Variants in NPTN observed in about 807,000 individuals in gnomAD.
NPTN encodes the protein SDR-1.
In NPTN, 5 loss-of-function variants were observed where a neutral mutation model predicts 42.7. The observed-to-expected ratio is 0.12, with a 90% CI of 0.06 to 0.25. The LOEUF is 0.25. NPTN is among the 10% of genes least tolerant of loss of function. The pLI is 1.00. For synonymous variants in NPTN, 180 were observed against 201.9 expected, an observed-to-expected ratio of 0.89 and a Z score of 0.92; for missense variants, 307 against 525.4, an observed-to-expected ratio of 0.58 and a Z score of 4.06.
chr15:73,623,553 G>C (rs1898241439), intron 1 of NPTN, among the ~76,000 whole-genome samples: 1 of 152,144 alleles, frequency 6.6e-6, no homozygotes, highest in South Asian at 2.1e-4. Flanking sequence ...CAGGCATGGA[G>C]GTATGCGCCT....
At position 73,584,454 on chromosome 15, in the gene NPTN, A is replaced by C. The variant is rs572555153; in HGVS notation, c.706+3070T>G. Among the ~76,000 whole-genome samples, 4 of 152,252 alleles carry C rather than the reference A, an allele frequency of 2.6e-5. No homozygotes were observed. The South Asian group carries it at 8.3e-4, about 32-fold the overall frequency. ...GGAAGGAGTAAGGGGCAAAAGGTTG[A>C]AAAATTATAGGGGTAGAAAATTTCA... On this transcript the variant is annotated intron_variant, in intron 4 of 8. Transcript: ENST00000345330.
At chr15:73,608,411 C>T (rs1478014019) in intron 1 of NPTN, among the ~76,000 whole-genome samples, 2 of 152,112 alleles carry the variant, frequency 1.3e-5, no homozygotes, top group African/African-American at 4.8e-5. Flanking sequence ...TTGTCAGTTG[C>T]GGGGAGAGAT....
In NPTN at chr15:73,633,152, G is replaced by A. The variant is rs1898857069; in HGVS notation, c.64C>T (p.Leu22Phe). 4.6e-6 allele frequency: 7 copies of A among 1,506,236 alleles called. No individual in the cohort carries two copies. Among genetic ancestry groups the A allele is most frequent in the Non-Finnish European group, 5.3e-6 (6 of 1,134,504 alleles). The allele number at this position is 1,506,236 out of a possible 1,614,324, so 93.3% of individuals were successfully genotyped here. A position where few individuals can be genotyped will look rare whatever the true frequency, so the allele number is the denominator to read the frequency against. ...LSLLLVSGSL[L>F]PGPGAAQNAG... ...TTCTGAGCGGCGCCTGGCCCTGGGA[G>A]GAGGGAGCCAGAGACCAGCAACAGC... Residue 22 changes from leucine (L) to phenylalanine (F), a missense_variant, in exon 1 of 9, where the codon CTC becomes TTC. Coordinates refer to ENST00000345330, the MANE Select transcript of NPTN (RefSeq NM_012428.4).
At chr15:73,562,431 A>T (rs1416059293) in intron 7 of NPTN, among the ~76,000 whole-genome samples, 3 of 152,150 alleles carry the variant, frequency 2.0e-5, no homozygotes, top group Non-Finnish European at 2.9e-5. Context: ...TTCCCTTCGA[A>T]TCCGGAACTA....
At chr15:73,610,905 C>A (rs1021780361) in intron 1 of NPTN, among the ~76,000 whole-genome samples, 1 of 152,104 alleles carries the variant, frequency 6.6e-6, no homozygotes, top group African/African-American at 2.4e-5. Context: ...CCCCTCTAGG[C>A]CCCAGTGGTT....
intron 4 of NPTN, among the ~76,000 whole-genome samples, chr15:73,585,987 C>T (rs1896301259): frequency 6.6e-6 from 1 of 152,208 alleles, no homozygotes; most frequent in South Asian, 2.1e-4. Context: ...TCGTAAGCAG[C>T]CAAACAAATG....
At chr15:73,582,494 G>C (rs1308934582) in intron 4 of NPTN, among the ~76,000 whole-genome samples, 2 of 152,186 alleles carry the variant, frequency 1.3e-5, no homozygotes, top group African/African-American at 2.4e-5. Context: ...GTGAACACTA[G>C]AGCAGTCTAG....
Position 73,562,025 on chromosome 15 carries a change from G to A in NPTN, c.1137-55C>T, listed in dbSNP as rs377620840. 13 of 1,297,568 alleles carry A rather than the reference G, an allele frequency of 1.0e-5. No homozygotes were observed. In the African/African-American group the frequency reaches 1.1e-4, roughly 11 times the overall value. The allele number at this position is 1,297,568 out of a possible 1,614,324, so 80.4% of individuals were successfully genotyped here. On this transcript the variant is annotated intron_variant, in intron 7 of 8. Coordinates refer to ENST00000345330, the MANE Select transcript of NPTN (RefSeq NM_012428.4). Reference sequence around the variant, plus strand: ...TAAACTCAGTCAATAACTTTTCAAAGTATAACACATGGAAATACAGGGACT... The same window carrying A: ...TAAACTCAGTCAATAACTTTTCAAAATATAACACATGGAAATACAGGGACT...
chr15:73,568,387 G>C, intron 6 of NPTN: 1 of 985,396 alleles, frequency 1.0e-6, no homozygotes, highest in Non-Finnish European at 1.2e-6. Flanking sequence ...CTTTCCAAAA[G>C]GCAGGCTGAG....
chr15:73,626,199 T>C (rs1898396618), intron 1 of NPTN, among the ~76,000 whole-genome samples: 1 of 152,246 alleles, frequency 6.6e-6, no homozygotes, highest in African/African-American at 2.4e-5. Context: ...AGAAAGATCA[T>C]AAAATACCTA....
intron 1 of NPTN, among the ~76,000 whole-genome samples, chr15:73,605,097 CAA>C (rs1897234554): frequency 3.2e-5 from 4 of 124,768 alleles, no homozygotes; most frequent in African/African-American, 1.1e-4. Context: ...GACCCTGTCT[CAA>C]GGGGGGGGGG....
At chr15:73,598,491 G>C (rs1056799397) in intron 1 of NPTN, among the ~76,000 whole-genome samples, 23 of 151,822 alleles carry the variant, frequency 1.5e-4, no homozygotes, top group African/African-American at 5.6e-4. Context: ...AAAAAATCCA[G>C]GCTTAGTTTA....
chr15:73,615,600 A>G (rs1221270297), intron 1 of NPTN, among the ~76,000 whole-genome samples: 1 of 152,234 alleles, frequency 6.6e-6, no homozygotes, highest in African/African-American at 2.4e-5. Context: ...AAGACTGTAC[A>G]CAGTGAGTTC....
chr15:73,631,721 T>G (rs1462764093), intron 1 of NPTN, among the ~76,000 whole-genome samples: 1 of 152,224 alleles, frequency 6.6e-6, no homozygotes, highest in African/African-American at 2.4e-5. Context: ...CAGTACTGAC[T>G]TCTCATAAAT....
chr15:73,627,446 AC>A (rs1898476512), intron 1 of NPTN, among the ~76,000 whole-genome samples: 1 of 152,236 alleles, frequency 6.6e-6, no homozygotes, highest in African/African-American at 2.4e-5. Flanking sequence ...TGAACAGATA[AC>A]ACTCAGTTTA....
In NPTN at chr15:73,597,894, C is replaced by T. The variant is rs922939823; in HGVS notation, c.92-525G>A. Among the ~76,000 whole-genome samples the T allele has an allele frequency of 4.6e-5, 7 of 152,168 alleles. No homozygotes were observed. The highest frequency in any genetic ancestry group is 3.9e-4 in the Admixed American group (6 of 15,286). ...AGAAGTATTAAATGACCTACTGGTG[C>T]CTTCTCTTGGGATTCAGAGTTCAAA... On this transcript the variant is annotated intron_variant, in intron 1 of 8. Coordinates refer to ENST00000345330, the MANE Select transcript of NPTN (RefSeq NM_012428.4). The surrounding 1 kb of genome is among the most constrained non-coding windows in gnomAD (Gnocchi z 6.3).
chr15:73,591,832 C>T (rs1416485535), intron 3 of NPTN, 134 bp downstream of exon 3: 1 of 758,460 alleles, frequency 1.3e-6, no homozygotes, highest in Non-Finnish European at 2.1e-6. Flanking sequence ...ACCTGAGATA[C>T]TGGATTGGAC....
intron 1 of NPTN, among the ~76,000 whole-genome samples, chr15:73,627,685 A>G (rs1375565823): frequency 2.0e-5 from 3 of 152,246 alleles, no homozygotes; most frequent in African/African-American, 7.2e-5. Flanking sequence ...GTACATACAC[A>G]AAAGCAAACA....
intron 6 of NPTN, chr15:73,567,288 G>A: frequency 1.0e-6 from 1 of 985,250 alleles, no homozygotes; most frequent in South Asian, 4.7e-5. Context: ...ATAATAAAGT[G>A]CTATTTGGCA....
Sources: gnomAD v4.1 joint callset for allele counts (sites outside exome capture counted in the v4.1 genomes callset) on GRCh38, gnomAD v4.1.1 for gene constraint, Gnocchi (gnomAD v3.1) non-coding constraint, MANE v1.5 for transcripts, NCBI Gene and HGNC (gene_info 2026-07-23, HGNC 2026-07-21) for gene names.